The following ASB9 variants were observed in gnomAD, a reference collection of about 807,000 sequenced individuals.
ASB9 encodes ankyrin repeat and SOCS box protein 9.
In ASB9, 5 loss-of-function variants were observed where a neutral mutation model predicts 16.6. The ratio of observed to expected loss-of-function variants is 0.30; its 90% CI spans 0.16 to 0.63. The LOEUF is 0.63. Ranked by LOEUF, ASB9 falls within the 30% of genes least tolerant of loss-of-function variation. ASB9 has a pLI of 0.82. For missense variants in ASB9, 216 were observed against 229.4 expected, an observed-to-expected ratio of 0.94 and a Z score of 0.38; for synonymous variants, 100 against 86.4, an observed-to-expected ratio of 1.16 and a Z score of -0.87.
intron 4 of ASB9, among the ~76,000 whole-genome samples, chrX:15,251,319 A>T (rs1925101987): frequency 8.9e-6 from 1 of 111,809 alleles, no homozygotes; most frequent in Non-Finnish European, 1.9e-5. Flanking sequence ...CGGGAGGAAC[A>T]GGCCACAGCG....
At chrX:15,247,279 C>T (rs191238934) in intron 6 of ASB9, among the ~76,000 whole-genome samples, 1 of 112,022 alleles carries the variant, frequency 8.9e-6, no homozygotes, top group East Asian at 2.8e-4. Context: ...TCTCCAGCAG[C>T]AAATGACACC....
chrX:15,265,805 T>A (rs1230164629), intron 1 of ASB9, among the ~76,000 whole-genome samples: 1 of 100,120 alleles, frequency 1.0e-5, no homozygotes, highest in Non-Finnish European at 2.1e-5. Context: ...CCCAGCTAAT[T>A]TTTTTTTTTT....
rs1169642436 is a variant in ASB9 at position 15,250,598 on chromosome X, A to G, written c.434-34T>C. On this transcript the variant is annotated intron_variant, in intron 4 of 6. Coordinates refer to ENST00000380488, the MANE Select transcript of ASB9 (RefSeq NM_001031739.3). Reference sequence around the variant, plus strand: ...CAAAGCAGGAAGAAAAACAGTTACAATACAAGTTCCCTTAGCTAGAAAGAC... The same window carrying G: ...CAAAGCAGGAAGAAAAACAGTTACAGTACAAGTTCCCTTAGCTAGAAAGAC... 7 of 1,169,218 alleles carry G rather than the reference A, an allele frequency of 6.0e-6. No individual in the cohort carries two copies. In the African/African-American group the frequency reaches 1.2e-4, roughly 21 times the overall value.
intron 6 of ASB9, among the ~76,000 whole-genome samples, chrX:15,246,203 G>T (rs1256298007): frequency 2.7e-5 from 3 of 111,691 alleles, no homozygotes; most frequent in Non-Finnish European, 5.6e-5. Flanking sequence ...TAAGAAAAGT[G>T]GGATGTCACA....
intron 2 of ASB9, among the ~76,000 whole-genome samples, chrX:15,257,525 A>G (rs1414467540): frequency 8.9e-6 from 1 of 112,004 alleles, no homozygotes; most frequent in African/African-American, 3.2e-5. Context: ...AAAAGTTTTC[A>G]CCACATATTC....
chrX:15,260,533 G>T (rs988155336), intron 1 of ASB9, among the ~76,000 whole-genome samples: 3 of 112,199 alleles, frequency 2.7e-5, no homozygotes, highest in Non-Finnish European at 5.6e-5. Flanking sequence ...AACTGAATGA[G>T]GCATAGATCT....
chrX:15,269,737 T>C (rs753548755), intron 1 of ASB9, 44 bp downstream of exon 1: 2 of 1,125,098 alleles, frequency 1.8e-6, no homozygotes, highest in Admixed American at 4.9e-5. Context: ...CTAAGCACAT[T>C]AGCCAACCTC....
At chrX:15,264,579 G>T (rs1055897736) in intron 1 of ASB9, among the ~76,000 whole-genome samples, 3 of 111,156 alleles carry the variant, frequency 2.7e-5, no homozygotes, top group African/African-American at 9.8e-5. Flanking sequence ...AGGTGGAGGT[G>T]GGAGCAGCAA....
intron 4 of ASB9, among the ~76,000 whole-genome samples, chrX:15,250,948 C>G (rs1925071962): frequency 1.8e-5 from 2 of 111,628 alleles, no homozygotes. Flanking sequence ...GTCTCAATCT[C>G]CTGACCTCGT....
intron 1 of ASB9, among the ~76,000 whole-genome samples, chrX:15,260,426 T>A (rs908607447): frequency 8.9e-6 from 1 of 112,207 alleles, no homozygotes; most frequent in African/African-American, 3.2e-5. Flanking sequence ...AGCAAATTTA[T>A]TCTACAACCA....
intron 4 of ASB9, among the ~76,000 whole-genome samples, chrX:15,251,369 T>A (rs759264841): frequency 8.9e-6 from 1 of 112,152 alleles, no homozygotes; most frequent in South Asian, 3.7e-4. Flanking sequence ...AAATCCAACA[T>A]GAGCAGGGCC....
At chrX:15,251,015 G>A (rs185544358) in intron 4 of ASB9, among the ~76,000 whole-genome samples, 299 of 112,373 alleles carry the variant, frequency 2.7e-3, no homozygotes, top group African/African-American at 8.9e-3. Context: ...GACCAGGCCC[G>A]GCCAAATCAG....
chrX:15,263,533 C>G, intron 1 of ASB9, among the ~76,000 whole-genome samples: 1 of 109,875 alleles, frequency 9.1e-6, no homozygotes, highest in Non-Finnish European at 1.9e-5. Context: ...TCCAGCCTCT[C>G]CTCTCCTCTT....
chrX:15,264,634 G>C (rs1372675325), intron 1 of ASB9, among the ~76,000 whole-genome samples: 1 of 111,648 alleles, frequency 9.0e-6, no homozygotes, highest in African/African-American at 3.3e-5. Context: ...ACTTGGCCTT[G>C]TGCAAAGGGA....
intron 1 of ASB9, among the ~76,000 whole-genome samples, chrX:15,267,538 A>C (rs754762819): frequency 4.2e-5 from 2 of 47,230 alleles, no homozygotes; most frequent in South Asian, 1.4e-3. Flanking sequence ...AGGTCAGGAG[A>C]TTGAGACCAT....
rs1298286417 is a variant in ASB9, at chrX:15,244,408, A to C, written c.*98T>G. On this transcript the variant is annotated 3_prime_UTR_variant, in exon 7 of 7. Transcript: ENST00000380488. ...AAATACAAATCTAATCGAAAAAACT[A>C]GTCAAACTCTATAAATCCAACTTGA... 1.0e-6 allele frequency: 1 copy of C among 977,415 alleles called. No homozygotes were observed. Among genetic ancestry groups the C allele is most frequent in the African/African-American group, 1.9e-5 (1 of 51,586 alleles). The allele number at this position is 977,415 out of a possible 1,213,427, so 80.5% of individuals were successfully genotyped here.
Position 15,244,334 on chromosome X carries a change from A to G in ASB9, c.*172T>C. 1 of 549,486 alleles carries G rather than the reference A, an allele frequency of 1.8e-6. No individual in the cohort carries two copies. The highest frequency in any genetic ancestry group is 3.7e-5 in the East Asian group (1 of 26,779). The allele number at this position is 549,486 out of a possible 1,213,427, so 45.3% of individuals were successfully genotyped here. A position where few individuals can be genotyped will look rare whatever the true frequency, so the allele number is the denominator to read the frequency against. ...CAACCCTGGCTTGAGTTTAACAAATACAAATTGAATAGAAAAAATTAGTCA... is the reference window on the plus strand; with the variant it reads ...CAACCCTGGCTTGAGTTTAACAAATGCAAATTGAATAGAAAAAATTAGTCA... On this transcript the variant is annotated 3_prime_UTR_variant, in exon 7 of 7. Transcript: ENST00000380488.
At chrX:15,265,835 C>T (rs1221599233) in intron 1 of ASB9, among the ~76,000 whole-genome samples, 1 of 105,952 alleles carries the variant, frequency 9.4e-6, no homozygotes, top group Non-Finnish European at 1.9e-5. Context: ...CAGAGTTTCA[C>T]TCTTGTTGCC....
At chrX:15,252,667 T>C (rs189173518) in intron 3 of ASB9, among the ~76,000 whole-genome samples, 6 of 112,092 alleles carry the variant, frequency 5.4e-5, no homozygotes, top group Admixed American at 4.7e-4. Flanking sequence ...GTTAGGATAA[T>C]TTCAATCGCT....
Sources: gnomAD v4.1 joint callset for allele counts (sites outside exome capture counted in the v4.1 genomes callset) on GRCh38, gnomAD v4.1.1 for gene constraint, MANE v1.5 for transcripts, NCBI Gene and HGNC (gene_info 2026-07-23, HGNC 2026-07-21) for gene names.